The following CADM2 variants were observed in gnomAD, a reference collection of about 807,000 sequenced individuals.
The protein encoded by CADM2 is cell adhesion molecule 2.
CADM2 carries 12 observed loss-of-function variants against 49.8 expected under a neutral mutation model. The observed-to-expected ratio is 0.24, with a 90% confidence interval of 0.15 to 0.39. The LOEUF is 0.39. Among genes scored for constraint, CADM2 ranks in the 10% least tolerant of loss-of-function variants. The probability of loss-of-function intolerance (pLI) is 1.00; values close to 1 mark genes in which losing one functional copy is unlikely to be tolerated. For missense variants in CADM2, 378 were observed against 492.3 expected, an observed-to-expected ratio of 0.77 and a Z score of 2.20; for synonymous variants, 214 against 175.4, an observed-to-expected ratio of 1.22 and a Z score of -1.74.
chr3:85,726,625 G>C, intron 2 of CADM2, 77 bp downstream of exon 2: 2 of 1,143,716 alleles, frequency 1.7e-6, no homozygotes, highest in Non-Finnish European at 2.6e-6. Context: ...TTAAATGATA[G>C]AACCAATTCG....
chr3:85,730,760 A>C (rs1467454895), intron 2 of CADM2, among the ~76,000 whole-genome samples: 1 of 152,192 alleles, frequency 6.6e-6, no homozygotes, highest in Non-Finnish European at 1.5e-5. Flanking sequence ...ACAATTTTTT[A>C]AATAGCTTTA....
chr3:86,050,783 G>T (rs373984213), intron 8 of CADM2, among the ~76,000 whole-genome samples: 4 of 152,274 alleles, frequency 2.6e-5, no homozygotes, highest in Admixed American at 1.3e-4. Flanking sequence ...TGGCTGAGAT[G>T]CAAGGAGAAG....
chr3:85,516,328 A>G (rs941300317), intron 1 of CADM2, among the ~76,000 whole-genome samples: 4 of 152,158 alleles, frequency 2.6e-5, no homozygotes, highest in Non-Finnish European at 5.9e-5. Flanking sequence ...TTTTATTGAT[A>G]AAAGCTCTGT....
intron 8 of CADM2, among the ~76,000 whole-genome samples, chr3:85,995,717 T>G (rs1245259307): frequency 6.6e-6 from 1 of 152,118 alleles, no homozygotes; most frequent in African/African-American, 2.4e-5. Context: ...ATATAGAAAG[T>G]CTTCAGTTGA....
intron 3 of CADM2, among the ~76,000 whole-genome samples, chr3:85,872,314 T>A (rs115067029): frequency 3.9e-5 from 6 of 152,310 alleles, no homozygotes; most frequent in African/African-American, 1.2e-4. Flanking sequence ...CCACAGTATA[T>A]CTCATTTCAA....
At chr3:85,498,749 C>A (rs753452365) in intron 1 of CADM2, among the ~76,000 whole-genome samples, 4 of 152,010 alleles carry the variant, frequency 2.6e-5, no homozygotes, top group Admixed American at 1.3e-4. Flanking sequence ...AATACCGTGA[C>A]CCGAGGTTCA....
chr3:86,053,354 C>T (rs1411893491), intron 8 of CADM2, among the ~76,000 whole-genome samples: 2 of 152,142 alleles, frequency 1.3e-5, no homozygotes, highest in Non-Finnish European at 2.9e-5. Flanking sequence ...TGCGTGTACA[C>T]TTGACAAAAA....
intron 2 of CADM2, among the ~76,000 whole-genome samples, chr3:85,727,722 A>G (rs2067762268): frequency 6.6e-6 from 1 of 152,162 alleles, no homozygotes; most frequent in Non-Finnish European, 1.5e-5. Flanking sequence ...GGTACAGCAT[A>G]TGAGTGTAAA....
intron 1 of CADM2, among the ~76,000 whole-genome samples, chr3:85,357,620 T>A (rs2031983301): frequency 1.3e-5 from 2 of 152,084 alleles, no homozygotes; most frequent in Non-Finnish European, 2.9e-5. Flanking sequence ...CAAAATTAGA[T>A]CTTCAGCCCT....
intron 1 of CADM2, among the ~76,000 whole-genome samples, chr3:85,424,320 A>G (rs949827892): frequency 6.6e-6 from 1 of 151,460 alleles, no homozygotes; most frequent in African/African-American, 2.4e-5. Flanking sequence ...ATATTTGAAA[A>G]ATAATATATA....
intron 6 of CADM2, among the ~76,000 whole-genome samples, chr3:85,931,747 C>T (rs1720627814): frequency 6.6e-6 from 1 of 151,808 alleles, no homozygotes; most frequent in African/African-American, 2.4e-5. Flanking sequence ...AAATGAAACA[C>T]ATTTATTAAA....
intron 1 of CADM2, among the ~76,000 whole-genome samples, chr3:85,477,281 C>T (rs914142860): frequency 6.0e-5 from 9 of 149,978 alleles, no homozygotes; most frequent in African/African-American, 1.5e-4. Flanking sequence ...CATACAGACA[C>T]GTATTAGTTA....
At chr3:85,402,267 A>G (rs1419276037) in intron 1 of CADM2, among the ~76,000 whole-genome samples, 1 of 152,012 alleles carries the variant, frequency 6.6e-6, no homozygotes, top group African/African-American at 2.4e-5. Flanking sequence ...TATACTCTAC[A>G]TTAGAAACCA....
At chr3:85,934,396 T>C (rs1362213892) in intron 6 of CADM2, among the ~76,000 whole-genome samples, 2 of 152,052 alleles carry the variant, frequency 1.3e-5, no homozygotes, top group Non-Finnish European at 2.9e-5. Context: ...ATTAATAAAG[T>C]ATGTTTAAAT....
chr3:85,058,859 T>C (rs1401937948), intron 1 of CADM2, among the ~76,000 whole-genome samples: 1 of 152,078 alleles, frequency 6.6e-6, no homozygotes, highest in African/African-American at 2.4e-5. Context: ...TATAGAAATA[T>C]ATAGCATTTA....
At chr3:85,237,173 A>G (rs1576184594) in intron 1 of CADM2, among the ~76,000 whole-genome samples, 1 of 152,062 alleles carries the variant, frequency 6.6e-6, no homozygotes, top group East Asian at 1.9e-4. Flanking sequence ...TCAGAGTTAA[A>G]GCATTAACTA....
intron 1 of CADM2, among the ~76,000 whole-genome samples, chr3:85,348,658 A>C (rs2031018390): frequency 6.6e-6 from 1 of 152,220 alleles, no homozygotes; most frequent in South Asian, 2.1e-4. Flanking sequence ...ATATCATCTA[A>C]TTTGTATGAC....
chr3:85,948,557 C>A (rs970431618), intron 7 of CADM2, among the ~76,000 whole-genome samples: 2 of 151,184 alleles, frequency 1.3e-5, no homozygotes, highest in African/African-American at 2.4e-5. Flanking sequence ...TTGAAAAATT[C>A]TTATTCCTTA....
chr3:85,913,350 GATA>G (rs1383882546), intron 6 of CADM2, among the ~76,000 whole-genome samples: 1 of 152,120 alleles, frequency 6.6e-6, no homozygotes, highest in East Asian at 1.9e-4. Context: ...GAGGATAGGA[GATA>G]ATATGTTCTG....
Sources: allele counts gnomAD v4.1 joint callset (sites outside exome capture counted in the v4.1 genomes callset), GRCh38; gene constraint gnomAD v4.1.1; transcripts MANE v1.5; gene names NCBI Gene and HGNC (gene_info 2026-07-23, HGNC 2026-07-21).